The following ALDH4A1 variants were observed in gnomAD, a reference collection of about 807,000 sequenced individuals.
The protein encoded by ALDH4A1 is delta-1-pyrroline-5-carboxylate dehydrogenase, mitochondrial.
A neutral mutation model predicts 70.5 loss-of-function variants in ALDH4A1; 46 were observed. The observed-to-expected ratio is 0.65, with a 90% CI of 0.51 to 0.83. The LOEUF is 0.83. ALDH4A1 is among the 40% of genes least tolerant of loss of function. The probability of loss-of-function intolerance (pLI) is 0.00; values close to 1 mark genes in which losing one functional copy is unlikely to be tolerated. For synonymous variants in ALDH4A1, 323 were observed against 324.3 expected, an observed-to-expected ratio of 1.00 and a Z score of 0.04; for missense variants, 749 against 766.5, an observed-to-expected ratio of 0.98 and a Z score of 0.27.
chr1:18,886,251 G>A (rs907627003), intron 4 of ALDH4A1, among the ~76,000 whole-genome samples: 1 of 152,296 alleles, frequency 6.6e-6, no homozygotes. Context: ...GGCAGCTTGT[G>A]TTTGGCTCAA....
chr1:18,875,602 C>A (rs555089390), intron 12 of ALDH4A1, 99 bp from the exon 13 acceptor site: 1 of 1,585,350 alleles, frequency 6.3e-7, no homozygotes, highest in Non-Finnish European at 8.6e-7. Context: ...CTCCCCAGTC[C>A]CTGGGCCTCA....
rs530602106 is a variant in ALDH4A1 at position 18,885,222 on chromosome 1, A to C, written c.453+251T>G. 2.1e-4 allele frequency: 115 copies of C among 557,294 alleles called. 1 individual carries two copies. The highest frequency in any genetic ancestry group is 2.0e-3 in the Middle Eastern group (4 of 2,028). The allele number at this position is 557,294 out of a possible 1,614,324, so 34.5% of individuals were successfully genotyped here. On this transcript the variant is annotated intron_variant, in intron 5 of 14. Coordinates refer to ENST00000375341, the MANE Select transcript of ALDH4A1 (RefSeq NM_003748.4). ...AGGCAAAGCATGACAAAGGCCTAGG[A>C]GCGAGGACAGAGGGATGGAGGAGAG... is the stretch of plus-strand genomic sequence containing the variant.
chr1:18,889,167 T>C (rs895524990), intron 3 of ALDH4A1, among the ~76,000 whole-genome samples, 195 bp downstream of exon 3: 1 of 152,232 alleles, frequency 6.6e-6, no homozygotes, highest in African/African-American at 2.4e-5. Context: ...GATGCCGCTA[T>C]GGGCTGGATG....
intron 9 of ALDH4A1, 48 bp from the exon 10 acceptor site, chr1:18,877,660 G>T (rs6426813): frequency 4.3e-6 from 6 of 1,386,116 alleles, no homozygotes; most frequent in East Asian, 2.3e-5. Context: ...TGGCTCCCCC[G>T]GTTGCCCAGG....
At chr1:18,888,454 C>A (rs1181503750) in intron 3 of ALDH4A1, among the ~76,000 whole-genome samples, 1 of 152,232 alleles carries the variant, frequency 6.6e-6, no homozygotes, top group Non-Finnish European at 1.5e-5. Flanking sequence ...CCAGCCAGGT[C>A]GGCAAGGCAA....
In ALDH4A1 at chr1:18,873,709, T is replaced by C. The variant is rs543768541; in HGVS notation, c.1580-752A>G. Among the ~76,000 whole-genome samples the C allele has an allele frequency of 3.9e-5, 6 of 152,356 alleles. No individual in the cohort carries two copies. In the East Asian group the frequency reaches 1.2e-3, roughly 29 times the overall value. ...CCCTGCCGGGGACCCTTCCAGTCTT[T>C]GCCCTATGTGTCTGCGCATCTGGCT... On this transcript the variant is annotated intron_variant, in intron 14 of 14. Coordinates refer to ENST00000375341, the MANE Select transcript of ALDH4A1 (RefSeq NM_003748.4).
chr1:18,879,428 C>T (rs910203987), intron 8 of ALDH4A1, 55 bp from the exon 9 acceptor site: 11 of 1,508,052 alleles, frequency 7.3e-6, no homozygotes, highest in South Asian at 2.3e-5. Context: ...AGGAAGGGGG[C>T]GGAAAAGCCC....
chr1:18,899,680 C>G (rs1338522118), intron 1 of ALDH4A1, among the ~76,000 whole-genome samples: 4 of 152,128 alleles, frequency 2.6e-5, no homozygotes, highest in African/African-American at 4.8e-5. Flanking sequence ...GGTGGTAACC[C>G]CTACATCATA....
At chr1:18,882,203 C>T (rs1935004132) in intron 7 of ALDH4A1, among the ~76,000 whole-genome samples, 2 of 152,198 alleles carry the variant, frequency 1.3e-5, no homozygotes, top group African/African-American at 4.8e-5. Context: ...GAGTGCTCAC[C>T]GGGCGCGGCG....
At chr1:18,896,538 G>T (rs1002440464) in intron 1 of ALDH4A1, among the ~76,000 whole-genome samples, 1 of 152,278 alleles carries the variant, frequency 6.6e-6, no homozygotes, top group Admixed American at 6.5e-5. Flanking sequence ...CCCTATCACC[G>T]ACATAAAGGC....
intron 1 of ALDH4A1, chr1:18,900,856 G>A: frequency 1.0e-6 from 1 of 985,064 alleles, no homozygotes; most frequent in Non-Finnish European, 1.2e-6. Flanking sequence ...TGATAATACA[G>A]GAATGAGACA....
At chr1:18,889,316 A>T in intron 3 of ALDH4A1, 46 bp downstream of exon 3, 2 of 1,499,566 alleles carry the variant, frequency 1.3e-6, no homozygotes, top group South Asian at 2.4e-5. Flanking sequence ...GAAAGAGGTC[A>T]CATATTCAGG....
At chr1:18,896,091 A>G (rs1935606404) in intron 1 of ALDH4A1, among the ~76,000 whole-genome samples, 1 of 152,074 alleles carries the variant, frequency 6.6e-6, no homozygotes, top group African/African-American at 2.4e-5. Flanking sequence ...AACCTCACAT[A>G]GCCGGAATGG....
At chr1:18,897,221 T>A (rs913901374) in intron 1 of ALDH4A1, 1 of 421,224 alleles carries the variant, frequency 2.4e-6, no homozygotes, top group African/African-American at 2.1e-5. Flanking sequence ...TTCGGCAAAT[T>A]CTCCAAAATC....
Position 18,877,622 on chromosome 1 carries a change from T to C in ALDH4A1, c.941-10A>G. 4 of 680,476 alleles carry C rather than the reference T, an allele frequency of 5.9e-6. No individual in the cohort carries two copies. Among genetic ancestry groups the C allele is most frequent in the Middle Eastern group, 4.5e-4 (1 of 2,224 alleles). 42.2% of individuals were successfully genotyped at this position (680,476 alleles called of 1,614,324 possible). A position where few individuals can be genotyped will look rare whatever the true frequency, so the allele number is the denominator to read the frequency against. On this transcript the variant is annotated splice_polypyrimidine_tract_variant and intron_variant, in intron 9 of 14. Transcript: ENST00000375341. Reference sequence around the variant, plus strand: ...TTCTTTCCGCCGCACTCTACAGGGGTCGGGGGTGGGGAAATGACCAGAGGA... The same window carrying C: ...TTCTTTCCGCCGCACTCTACAGGGGCCGGGGGTGGGGAAATGACCAGAGGA...
intron 1 of ALDH4A1, among the ~76,000 whole-genome samples, chr1:18,896,880 G>A (rs1324162206): frequency 6.6e-6 from 1 of 151,016 alleles, no homozygotes; most frequent in Non-Finnish European, 1.5e-5. Context: ...GCAACAGAGT[G>A]AGACGATGTC....
intron 3 of ALDH4A1, among the ~76,000 whole-genome samples, chr1:18,887,411 A>G (rs1186860412): frequency 1.3e-5 from 2 of 152,260 alleles, no homozygotes; most frequent in African/African-American, 2.4e-5. Flanking sequence ...CATCCTGGCT[A>G]ACATGGTGAA....
rs889388953 is a variant in ALDH4A1, at chr1:18,898,606, A to G, written c.62+3856T>C. Reference sequence around the variant, plus strand: ...GTGCTTTCCATGTATGAGACCATTTAACACGCAGGACAATCCTATGAGGTG... The same window carrying G: ...GTGCTTTCCATGTATGAGACCATTTGACACGCAGGACAATCCTATGAGGTG... On this transcript the variant is annotated intron_variant, in intron 1 of 14. Coordinates refer to ENST00000375341, the MANE Select transcript of ALDH4A1 (RefSeq NM_003748.4). This position sits in a 1 kb window ranked among gnomAD's most constrained non-coding sequence, Gnocchi z 4.3. Among the ~76,000 whole-genome samples, 14 of 152,200 alleles carry G rather than the reference A, an allele frequency of 9.2e-5. No homozygotes were observed. Among genetic ancestry groups the G allele is most frequent in the African/African-American group, 3.4e-4 (14 of 41,446 alleles).
chr1:18,887,344 G>A (rs564446201), intron 3 of ALDH4A1, among the ~76,000 whole-genome samples: 141 of 152,340 alleles, frequency 9.3e-4, no homozygotes, highest in East Asian at 7.3e-3. Context: ...TCACACCTGT[G>A]ATCCCAGCAC....
Sources: allele counts gnomAD v4.1 joint callset (sites outside exome capture counted in the v4.1 genomes callset), GRCh38; gene constraint gnomAD v4.1.1; non-coding constraint Gnocchi (gnomAD v3.1); transcripts MANE v1.5; gene names NCBI Gene and HGNC (gene_info 2026-07-23, HGNC 2026-07-21).